Variants in MAJIN observed in about 807,000 individuals in gnomAD.
MAJIN encodes the protein membrane-anchored junction protein.
A neutral mutation model predicts 30.2 loss-of-function variants in MAJIN; 27 were observed. The observed-to-expected ratio is 0.89, with a 90% confidence interval of 0.66 to 1.23. MAJIN has a LOEUF of 1.23. Among genes scored for constraint, MAJIN ranks in the 50% most tolerant of loss-of-function variants. The probability of loss-of-function intolerance (pLI) is 0.00; values close to 1 mark genes in which losing one functional copy is unlikely to be tolerated. For synonymous variants in MAJIN, 78 were observed against 91.6 expected (o/e 0.85, Z 0.85); for missense variants, 253 against 260.3 (o/e 0.97, Z 0.19).
At chr11:64,966,145 G>GAAAAAAAAAAAAGAAAAAAA (rs1945804925) in intron 1 of MAJIN, among the ~76,000 whole-genome samples, 1 of 57,100 alleles carries the variant, frequency 1.8e-5, no homozygotes, top group Non-Finnish European at 3.0e-5. Context: ...GATTAAAAAT[G>GAAAAAAAAAAAAGAAAAAAA]AAAAAAAAAA....
At position 64,971,908 on chromosome 11, in the gene MAJIN, G is replaced by C. The variant is rs1945913177; in HGVS notation, c.-96C>G. 1 of 152,412 alleles carries C rather than the reference G, an allele frequency of 6.6e-6. No homozygotes were observed. The highest frequency in any genetic ancestry group is 2.4e-5 in the African/African-American group (1 of 41,466). The allele number at this position is 152,412 out of a possible 1,614,324, so 9.4% of individuals were successfully genotyped here. ...CCCAGGTGGTTCCCAGGCTCGGCCA[G>C]GCTATGTCTCACACACTGACTAGGG... On this transcript the variant is annotated 5_prime_UTR_variant, in exon 1 of 11. Coordinates refer to ENST00000301896, the MANE Select transcript of MAJIN (RefSeq NM_001037225.3).
chr11:64,957,775 C>T (rs1267614751), intron 3 of MAJIN, among the ~76,000 whole-genome samples: 1 of 152,142 alleles, frequency 6.6e-6, no homozygotes. Context: ...CGGCTTACTG[C>T]AACCTCCACC....
chr11:64,962,860 C>T (rs866556286), intron 1 of MAJIN, among the ~76,000 whole-genome samples: 2 of 152,142 alleles, frequency 1.3e-5, no homozygotes, highest in South Asian at 4.1e-4. Flanking sequence ...GGCATGGTAG[C>T]TCACGCCTGT....
intron 1 of MAJIN, among the ~76,000 whole-genome samples, chr11:64,969,282 C>T (rs1447628038): frequency 1.3e-5 from 2 of 151,958 alleles, no homozygotes; most frequent in East Asian, 3.9e-4. Flanking sequence ...GAAATCAGAA[C>T]GGAAATATAC....
chr11:64,947,491 ACTC>A (rs1227070443), intron 7 of MAJIN, 26 bp from the exon 8 acceptor site: 4 of 1,595,058 alleles, frequency 2.5e-6, no homozygotes, highest in Non-Finnish European at 3.4e-6. Context: ...GATGCCTGTG[ACTC>A]CTCCTTTCCA....
At chr11:64,941,501 C>CA (rs1945378699) in intron 8 of MAJIN, among the ~76,000 whole-genome samples, 1 of 152,094 alleles carries the variant, frequency 6.6e-6, no homozygotes, top group East Asian at 1.9e-4. Flanking sequence ...ACTAAAAATA[C>CA]AAAAAATCAG....
At chr11:64,966,929 C>CAAAA in intron 1 of MAJIN, among the ~76,000 whole-genome samples, 1 of 69,558 alleles carries the variant, frequency 1.4e-5, no homozygotes, top group Non-Finnish European at 2.9e-5. Flanking sequence ...ATGACTGTCT[C>CAAAA]AAAAAAAAAA....
rs186453393 is a variant in MAJIN, at chr11:64,951,292, T to A, written c.148-862A>T. Among the ~76,000 whole-genome samples the A allele has an allele frequency of 1.0e-3, 158 of 152,328 alleles. 5 individuals carry two copies. The highest frequency in any genetic ancestry group is 5.9e-4 in the Non-Finnish European group (40 of 68,026). ...CTTTTGTTTAAGTCAAACCTTTTTT[T>A]CACTCACTTTAAATTTTAATCGATT... On this transcript the variant is annotated intron_variant, in intron 4 of 10. Coordinates refer to ENST00000301896, the MANE Select transcript of MAJIN (RefSeq NM_001037225.3).
intron 9 of MAJIN, 183 bp from the exon 10 acceptor site, chr11:64,939,950 C>T (rs534652391): frequency 2.0e-6 from 1 of 510,540 alleles, no homozygotes; most frequent in African/African-American, 2.0e-5. Context: ...GCTATTCTGA[C>T]CTCAGAGTAT....
In MAJIN at chr11:64,947,465, C is replaced by A; in HGVS notation, c.382G>T (p.Val128Phe). 1 of 1,613,476 alleles carries A rather than the reference C, an allele frequency of 6.2e-7. No individual in the cohort carries two copies. Among genetic ancestry groups the A allele is most frequent in the Non-Finnish European group, 8.5e-7 (1 of 1,179,666 alleles). The change falls in exon 8 of 11, where the codon GTC (valine) becomes TTC (phenylalanine). Residue 128 changes from valine to phenylalanine, a missense_variant and splice_region_variant. Coordinates refer to ENST00000301896, the MANE Select transcript of MAJIN (RefSeq NM_001037225.3). ...KPISDSPLGL[V>F]PVEKKAVGAV... ...CCTACTGCTTTCTTCTCAACTGGGA[C>A]CTTCAGGAGGAAGCAGATGCCTGTG... is the stretch of plus-strand genomic sequence containing the variant.
chr11:64,954,859 T>C, intron 3 of MAJIN, 57 bp from the exon 4 acceptor site: 1 of 1,458,340 alleles, frequency 6.9e-7, no homozygotes, highest in Non-Finnish European at 9.3e-7. Context: ...CTGGAGAGAG[T>C]AGACTCTACT....
chr11:64,944,934 T>C (rs147512051), intron 8 of MAJIN, among the ~76,000 whole-genome samples: 1 of 152,324 alleles, frequency 6.6e-6, no homozygotes, highest in Non-Finnish European at 1.5e-5. Context: ...GTATCAGATA[T>C]ATGAATATCT....
intron 8 of MAJIN, chr11:64,946,105 A>AG (rs1945447727): frequency 6.5e-7 from 1 of 1,535,278 alleles, no homozygotes; most frequent in Non-Finnish European, 8.7e-7. Flanking sequence ...TGGTTTCCAC[A>AG]GGGGGCTTCT....
At chr11:64,938,608 A>G (rs1450820627) in intron 10 of MAJIN, 35 bp from the exon 11 acceptor site, 6 of 1,529,762 alleles carry the variant, frequency 3.9e-6, no homozygotes, top group Non-Finnish European at 5.3e-6. Context: ...CTGAGACTCT[A>G]TGAGGTCTCC....
At chr11:64,969,243 GGA>G (rs936390493) in intron 1 of MAJIN, among the ~76,000 whole-genome samples, 41 of 152,278 alleles carry the variant, frequency 2.7e-4, no homozygotes, top group African/African-American at 9.9e-4. Flanking sequence ...GATATACCGA[GGA>G]GGCAGTCTCC....
At chr11:64,968,465 T>C (rs1759118953) in intron 1 of MAJIN, among the ~76,000 whole-genome samples, 1 of 151,820 alleles carries the variant, frequency 6.6e-6, no homozygotes, top group Non-Finnish European at 1.5e-5. Flanking sequence ...TTTCACTATG[T>C]TGCCCATGCT....
At position 64,966,591 on chromosome 11, in the gene MAJIN, T is replaced by C. The variant is rs535205782; in HGVS notation, c.-65+5286A>G. Among the ~76,000 whole-genome samples the C allele has an allele frequency of 1.9e-3, 288 of 151,924 alleles. 3 individuals carry two copies. Among genetic ancestry groups the C allele is most frequent in the African/African-American group, 6.3e-3 (261 of 41,484 alleles). Reference sequence around the variant, plus strand: ...GGACTTTTTATATAAAGAGGGCAAATTTTACTAACCTTAATCCAATTCTGG... The same window carrying C: ...GGACTTTTTATATAAAGAGGGCAAACTTTACTAACCTTAATCCAATTCTGG... On this transcript the variant is annotated intron_variant, in intron 1 of 10. Coordinates refer to ENST00000301896, the MANE Select transcript of MAJIN (RefSeq NM_001037225.3).
intron 1 of MAJIN, among the ~76,000 whole-genome samples, chr11:64,963,058 C>T (rs745480595): frequency 2.6e-5 from 4 of 152,012 alleles, no homozygotes; most frequent in African/African-American, 4.8e-5. Flanking sequence ...ACCCAGGTTG[C>T]GGAGGTTGCA....
chr11:64,971,161 C>T (rs1399109503), intron 1 of MAJIN, among the ~76,000 whole-genome samples: 3 of 152,026 alleles, frequency 2.0e-5, no homozygotes, highest in African/African-American at 7.2e-5. Flanking sequence ...GGTATGGTGG[C>T]GGGCACCTGC....
Sources: allele counts gnomAD v4.1 joint callset (sites outside exome capture counted in the v4.1 genomes callset), GRCh38; gene constraint gnomAD v4.1.1; transcripts MANE v1.5; gene names NCBI Gene and HGNC (gene_info 2026-07-23, HGNC 2026-07-21).